The following ZNF521 variants were observed in gnomAD, a reference collection of about 807,000 sequenced individuals.
The protein encoded by ZNF521 is zinc finger protein 521.
A neutral mutation model predicts 105.5 loss-of-function variants in ZNF521; 14 were observed. The ratio of observed to expected loss-of-function variants is 0.13; its 90% CI spans 0.09 to 0.21. The LOEUF (loss-of-function observed/expected upper bound fraction) is 0.21, where lower values mean the gene tolerates loss of function less well. Ranked by LOEUF, ZNF521 falls within the 10% of genes least tolerant of loss-of-function variation. The pLI is 1.00. For missense variants in ZNF521, 1,233 were observed against 1,629.7 expected (o/e 0.76, Z 4.19); for synonymous variants, 635 against 606.0 (o/e 1.05, Z -0.70).
chr18:25,137,277 C>A (rs2034753235), intron 5 of ZNF521, among the ~76,000 whole-genome samples: 1 of 152,084 alleles, frequency 6.6e-6, no homozygotes, highest in African/African-American at 2.4e-5. Flanking sequence ...ACCAAAATAA[C>A]CTTTACAATC....
chr18:25,210,049 A>T (rs1336090223), intron 4 of ZNF521, among the ~76,000 whole-genome samples: 3 of 152,144 alleles, frequency 2.0e-5, no homozygotes, highest in East Asian at 3.9e-4. Flanking sequence ...ATAATAACAA[A>T]TTGAAAAAAT....
chr18:25,200,073 G>A (rs2035966134), intron 4 of ZNF521, among the ~76,000 whole-genome samples: 1 of 152,042 alleles, frequency 6.6e-6, no homozygotes, highest in Non-Finnish European at 1.5e-5. Flanking sequence ...AGTCATACAG[G>A]TATAACCAAG....
chr18:25,179,116 CTTTTTTTTTTTTTTTTTTTTTTTT>C (rs1175859497), intron 5 of ZNF521, among the ~76,000 whole-genome samples: 122 of 52,480 alleles, frequency 2.3e-3, no homozygotes, highest in South Asian at 0.021. Flanking sequence ...TTCTTTATTC[CTTTTTTTTTTTTTTTTTTTTTTTT>C]TTTTTTTTTT....
intron 7 of ZNF521, among the ~76,000 whole-genome samples, chr18:25,066,686 C>A (rs1025075659): frequency 1.3e-5 from 2 of 152,098 alleles, no homozygotes; most frequent in Non-Finnish European, 2.9e-5. Context: ...GCTCTGAGGC[C>A]CAGTCTGCTC....
chr18:25,083,377 T>G (rs964817654), intron 7 of ZNF521, among the ~76,000 whole-genome samples: 2 of 152,220 alleles, frequency 1.3e-5, no homozygotes, highest in African/African-American at 4.8e-5. Flanking sequence ...AGTTCTGATA[T>G]GTCTGAGGTA....
intron 2 of ZNF521, among the ~76,000 whole-genome samples, chr18:25,348,539 A>G (rs577228942): frequency 1.3e-5 from 2 of 152,304 alleles, no homozygotes; most frequent in Admixed American, 6.5e-5. Flanking sequence ...TCTCATCCCC[A>G]AAAGCCCAGC....
intron 5 of ZNF521, among the ~76,000 whole-genome samples, chr18:25,143,379 G>C (rs2034886886): frequency 6.6e-6 from 1 of 152,102 alleles, no homozygotes; most frequent in Admixed American, 6.6e-5. Flanking sequence ...TTTGCTTTCA[G>C]GAGTAAAGAG....
chr18:25,116,969 A>T, intron 5 of ZNF521, among the ~76,000 whole-genome samples: 1 of 103,448 alleles, frequency 9.7e-6, no homozygotes, highest in African/African-American at 4.5e-5. Flanking sequence ...ATATGTATAT[A>T]TATGTATATA....
rs114750281 is a variant in ZNF521, at chr18:25,348,874, G to A, written c.40+2033C>T. 7.3e-3 allele frequency among the ~76,000 whole-genome samples: 1,107 copies of A among 152,230 alleles called. 16 individuals are homozygous for A. Among genetic ancestry groups the A allele is most frequent in the African/African-American group, 0.025 (1,049 of 41,526 alleles). ...GCCCAGCGAATACCGTCAACTGACG[G>A]ATTCCCTTTACTGCCCATAAAATCC... On this transcript the variant is annotated intron_variant, in intron 2 of 7. Transcript: ENST00000361524.
chr18:25,275,178 G>A (rs560202882), intron 3 of ZNF521, among the ~76,000 whole-genome samples: 4 of 152,256 alleles, frequency 2.6e-5, no homozygotes, highest in African/African-American at 9.6e-5. Flanking sequence ...ATCCTGCTGC[G>A]ATAAAACTTG....
intron 3 of ZNF521, among the ~76,000 whole-genome samples, chr18:25,318,458 G>A (rs1283764537): frequency 6.6e-6 from 1 of 152,148 alleles, no homozygotes; most frequent in African/African-American, 2.4e-5. Flanking sequence ...TTCACTGTAT[G>A]TAAATGTGGC....
intron 3 of ZNF521, among the ~76,000 whole-genome samples, chr18:25,311,764 T>TGA (rs1253404691): frequency 1.3e-5 from 2 of 152,212 alleles, no homozygotes; most frequent in Admixed American, 6.5e-5. Flanking sequence ...TTTTGGCAAA[T>TGA]GAATCCTGAA....
intron 5 of ZNF521, among the ~76,000 whole-genome samples, chr18:25,113,388 C>G (rs2034234808): frequency 6.6e-6 from 1 of 152,202 alleles, no homozygotes; most frequent in Admixed American, 6.5e-5. Context: ...TAACACACAT[C>G]TGCATATCCA....
intron 3 of ZNF521, among the ~76,000 whole-genome samples, chr18:25,283,762 A>G (rs6508359): frequency 0.49 from 74,797 of 152,074 alleles, 20,568 homozygotes; most frequent in African/African-American, 0.75. Context: ...CCCCATCATC[A>G]TTGACGGGAG....
intron 4 of ZNF521, among the ~76,000 whole-genome samples, chr18:25,213,724 G>A (rs144973157): frequency 1.2e-3 from 181 of 152,106 alleles, no homozygotes; most frequent in African/African-American, 3.9e-3. Context: ...TGTTTAGGGC[G>A]ACTCATTTTG....
chr18:25,186,790 C>T (rs1000962496), intron 5 of ZNF521, among the ~76,000 whole-genome samples: 13 of 151,018 alleles, frequency 8.6e-5, no homozygotes, highest in Non-Finnish European at 1.5e-4. Context: ...CCAGTGAAGA[C>T]ATGCTTTATA....
At chr18:25,159,194 G>A (rs1455553024) in intron 5 of ZNF521, among the ~76,000 whole-genome samples, 1 of 152,156 alleles carries the variant, frequency 6.6e-6, no homozygotes, top group Non-Finnish European at 1.5e-5. Flanking sequence ...AGGTAACCGA[G>A]AAGCTGATCA....
At chr18:25,175,710 C>G (rs2144574376) in intron 5 of ZNF521, among the ~76,000 whole-genome samples, 1 of 152,180 alleles carries the variant, frequency 6.6e-6, no homozygotes, top group Middle Eastern at 3.4e-3. Context: ...GTGAAATGAC[C>G]TCCCTCCCTA....
chr18:25,143,152 C>T (rs1486867600), intron 5 of ZNF521, among the ~76,000 whole-genome samples: 2 of 152,016 alleles, frequency 1.3e-5, no homozygotes, highest in African/African-American at 2.4e-5. Context: ...ATATTTTCTA[C>T]ATTTATACTC....
Sources: allele counts gnomAD v4.1 joint callset (sites outside exome capture counted in the v4.1 genomes callset), GRCh38; gene constraint gnomAD v4.1.1; transcripts MANE v1.5; gene names NCBI Gene and HGNC (gene_info 2026-07-23, HGNC 2026-07-21).